The following LUZP2 variants were observed in gnomAD, a reference collection of about 807,000 sequenced individuals.
The protein encoded by LUZP2 is leucine zipper protein 2.
Under a neutral mutation model 51.6 loss-of-function variants are expected in LUZP2, and 52 were observed. The observed-to-expected ratio is 1.01, with a 90% CI of 0.81 to 1.27. The LOEUF is 1.27. Among genes scored for constraint, LUZP2 ranks in the 50% most tolerant of loss-of-function variants. The probability of loss-of-function intolerance (pLI) is 0.00; values close to 1 mark genes in which losing one functional copy is unlikely to be tolerated. For missense variants in LUZP2, 436 were observed against 395.4 expected (o/e 1.10, Z -0.87); for synonymous variants, 154 against 137.3 (o/e 1.12, Z -0.85).
At chr11:24,709,553 T>C (rs1337483835) in intron 1 of LUZP2, among the ~76,000 whole-genome samples, 1 of 152,176 alleles carries the variant, frequency 6.6e-6, no homozygotes, top group Non-Finnish European at 1.5e-5. Context: ...CATATGCCTA[T>C]TTAGTGCAAA....
chr11:24,799,168 C>G (rs1424618989), intron 5 of LUZP2, among the ~76,000 whole-genome samples: 1 of 152,126 alleles, frequency 6.6e-6, no homozygotes, highest in Non-Finnish European at 1.5e-5. Flanking sequence ...GCACATTATG[C>G]ATTATGTGCT....
At chr11:24,634,932 ACTTGTTACTCAGCT>A (rs1198379263) in intron 1 of LUZP2, among the ~76,000 whole-genome samples, 29 of 152,108 alleles carry the variant, frequency 1.9e-4, no homozygotes, top group African/African-American at 6.5e-4. Flanking sequence ...AGATGAACAC[ACTTGTTACTCAGCT>A]CAAAATAAAT....
chr11:24,537,672 G>C (rs1851221111), intron 1 of LUZP2, among the ~76,000 whole-genome samples: 1 of 151,608 alleles, frequency 6.6e-6, no homozygotes, highest in Non-Finnish European at 1.5e-5. Context: ...ATTTTGTAAA[G>C]GTAATTTTAA....
intron 1 of LUZP2, among the ~76,000 whole-genome samples, chr11:24,503,027 A>AT (rs893594420): frequency 6.3e-4 from 95 of 151,588 alleles, no homozygotes; most frequent in South Asian, 1.3e-3. Flanking sequence ...TAGTATTGAC[A>AT]TTTTTTTTTA....
At chr11:24,638,835 G>A (rs929862955) in intron 1 of LUZP2, among the ~76,000 whole-genome samples, 3 of 151,480 alleles carry the variant, frequency 2.0e-5, no homozygotes, top group Non-Finnish European at 4.4e-5. Context: ...AATGGAAAAT[G>A]AATCACAGAT....
intron 5 of LUZP2, among the ~76,000 whole-genome samples, chr11:24,873,604 G>A (rs538663598): frequency 3.2e-4 from 48 of 152,168 alleles, no homozygotes; most frequent in Admixed American, 1.9e-3. Flanking sequence ...GAGGAGAGAT[G>A]TGTCAAAATA....
At chr11:24,883,744 A>G (rs1852570278) in intron 5 of LUZP2, among the ~76,000 whole-genome samples, 1 of 152,030 alleles carries the variant, frequency 6.6e-6, no homozygotes, top group Admixed American at 6.6e-5. Flanking sequence ...ACAGTTTTTA[A>G]AGTTAATAGC....
chr11:24,663,920 C>T (rs1856114963), intron 1 of LUZP2, among the ~76,000 whole-genome samples: 1 of 152,154 alleles, frequency 6.6e-6, no homozygotes, highest in Admixed American at 6.5e-5. Flanking sequence ...CTGAAGGCTT[C>T]CCCAGCCATG....
chr11:24,611,827 C>T lies in LUZP2; in HGVS notation c.62+114522C>T, dbSNP rs1449707399. Reference sequence around the variant, plus strand: ...GAGACATAACCGTAATTTATATAAACTGACTCTCACAGGAGCATGACATAT... The same window carrying T: ...GAGACATAACCGTAATTTATATAAATTGACTCTCACAGGAGCATGACATAT... On this transcript the variant is annotated intron_variant, in intron 1 of 11. Coordinates refer to ENST00000336930, the MANE Select transcript of LUZP2 (RefSeq NM_001009909.4). The surrounding 1 kb of genome is among the most constrained non-coding windows in gnomAD (Gnocchi z 4.6). Among the ~76,000 whole-genome samples, 2 of 152,132 alleles carry T rather than the reference C, an allele frequency of 1.3e-5. No homozygotes were observed. Among genetic ancestry groups the T allele is most frequent in the African/African-American group, 4.8e-5 (2 of 41,436 alleles).
chr11:24,541,829 G>T (rs760746905), intron 1 of LUZP2, among the ~76,000 whole-genome samples: 1 of 151,874 alleles, frequency 6.6e-6, no homozygotes, highest in Non-Finnish European at 1.5e-5. Context: ...ATGAAGATAA[G>T]TACAGCCTAA....
At chr11:24,969,161 C>T (rs1329270902) in intron 7 of LUZP2, among the ~76,000 whole-genome samples, 1 of 152,118 alleles carries the variant, frequency 6.6e-6, no homozygotes, top group East Asian at 1.9e-4. Flanking sequence ...CCTTTCTACT[C>T]CTCCTGCCCA....
chr11:25,013,748 A>T (rs1378761596), intron 9 of LUZP2, among the ~76,000 whole-genome samples: 1 of 151,166 alleles, frequency 6.6e-6, no homozygotes, highest in Non-Finnish European at 1.5e-5. Flanking sequence ...TTATTTATTT[A>T]TTATTCTTTT....
At chr11:24,704,233 A>G (rs1469900007) in intron 1 of LUZP2, among the ~76,000 whole-genome samples, 2 of 152,172 alleles carry the variant, frequency 1.3e-5, no homozygotes, top group Admixed American at 1.3e-4. Context: ...TGAAATGGTC[A>G]TTTTTGGACA....
chr11:24,534,248 T>C (rs750489119), intron 1 of LUZP2, among the ~76,000 whole-genome samples: 1 of 150,966 alleles, frequency 6.6e-6, no homozygotes, highest in Non-Finnish European at 1.5e-5. Context: ...AAACAAAATA[T>C]GTATACATAT....
At chr11:24,921,744 CATATA>C (rs776611816) in intron 7 of LUZP2, among the ~76,000 whole-genome samples, 4 of 151,998 alleles carry the variant, frequency 2.6e-5, no homozygotes, top group Non-Finnish European at 5.9e-5. Context: ...ATATTAAATG[CATATA>C]ATATGTCATT....
chr11:25,043,740 T>C (rs866522412), intron 9 of LUZP2, among the ~76,000 whole-genome samples: 3 of 148,334 alleles, frequency 2.0e-5, no homozygotes, highest in Admixed American at 6.8e-5. Context: ...TATCAGACTA[T>C]ATATAATATA....
chr11:25,015,528 T>A (rs1857123400), intron 9 of LUZP2, among the ~76,000 whole-genome samples: 1 of 152,172 alleles, frequency 6.6e-6, no homozygotes, highest in Non-Finnish European at 1.5e-5. Context: ...CAGTTTTTCC[T>A]TGTTTTTCAT....
chr11:24,980,451 A>C (rs2133910312), intron 8 of LUZP2, among the ~76,000 whole-genome samples: 1 of 151,776 alleles, frequency 6.6e-6, no homozygotes, highest in South Asian at 2.1e-4. Flanking sequence ...CTAATATATA[A>C]GATAAAATGA....
chr11:24,973,367 T>TTTTTG (rs1855801419), intron 7 of LUZP2, among the ~76,000 whole-genome samples: 1 of 52,380 alleles, frequency 1.9e-5, no homozygotes, highest in East Asian at 3.2e-4. Context: ...TTTATTAGTT[T>TTTTTG]TTTTTTTTTT....
Sources: allele counts gnomAD v4.1 joint callset (sites outside exome capture counted in the v4.1 genomes callset), GRCh38; gene constraint gnomAD v4.1.1; non-coding constraint Gnocchi (gnomAD v3.1); transcripts MANE v1.5; gene names NCBI Gene and HGNC (gene_info 2026-07-23, HGNC 2026-07-21).